SLC35F2: variants seen among roughly 807,000 people sequenced by gnomAD.
SLC35F2 encodes solute carrier family 35 member F2, also known as queuine/queuosine transporter SLC35F2.
In SLC35F2, 25 loss-of-function variants were observed where a neutral mutation model predicts 38.1. The observed-to-expected ratio is 0.66, with a 90% CI of 0.48 to 0.92. The LOEUF is 0.92. Ranked by LOEUF, SLC35F2 falls within the 40% of genes least tolerant of loss-of-function variation. The probability of loss-of-function intolerance (pLI) is 0.00; values close to 1 mark genes in which losing one functional copy is unlikely to be tolerated. For missense variants in SLC35F2, 409 were observed against 452.9 expected, an observed-to-expected ratio of 0.90 and a Z score of 0.88; for synonymous variants, 173 against 181.7, an observed-to-expected ratio of 0.95 and a Z score of 0.38.
At chr11:107,841,380 T>C (rs776908482) in intron 1 of SLC35F2, among the ~76,000 whole-genome samples, 3 of 151,942 alleles carry the variant, frequency 2.0e-5, no homozygotes, top group Non-Finnish European at 4.4e-5. Flanking sequence ...CTGACCAACA[T>C]GGTGAAACCC....
chr11:107,835,083 C>T (rs1463011240), intron 1 of SLC35F2, among the ~76,000 whole-genome samples: 1 of 152,192 alleles, frequency 6.6e-6, no homozygotes, highest in African/African-American at 2.4e-5. Context: ...CAAACGGGTG[C>T]TAGTTAAAGA....
chr11:107,815,628 G>T (rs1859560013), intron 2 of SLC35F2, among the ~76,000 whole-genome samples, 162 bp downstream of exon 2: 1 of 151,064 alleles, frequency 6.6e-6, no homozygotes, highest in South Asian at 2.1e-4. Flanking sequence ...GACAACTTCT[G>T]TGTTACAAAC....
intron 7 of SLC35F2, among the ~76,000 whole-genome samples, chr11:107,800,166 G>A (rs1859285471): frequency 1.3e-5 from 2 of 152,038 alleles, no homozygotes; most frequent in South Asian, 2.1e-4. Flanking sequence ...GGGATTACAG[G>A]TATGAGCCAC....
intron 3 of SLC35F2, chr11:107,809,571 G>C: frequency 2.1e-6 from 1 of 479,530 alleles, no homozygotes; most frequent in Non-Finnish European, 2.7e-6. Flanking sequence ...GGCGGAGGCT[G>C]CAGTGAGCCA....
chr11:107,810,476 A>C, intron 3 of SLC35F2: 7 of 984,680 alleles, frequency 7.1e-6, no homozygotes, highest in Non-Finnish European at 8.4e-6. Flanking sequence ...ATGTGACAAG[A>C]AAATACCATT....
intron 3 of SLC35F2, chr11:107,809,580 C>T (rs12804422): frequency 0.083 from 51,041 of 613,932 alleles, 4,080 homozygotes; most frequent in East Asian, 0.42. Flanking sequence ...TGCAGTGAGC[C>T]AAGATCATGC....
intron 3 of SLC35F2, among the ~76,000 whole-genome samples, chr11:107,809,329 C>CAAAAAA (rs61511493): frequency 3.1e-3 from 297 of 96,082 alleles, no homozygotes; most frequent in Middle Eastern, 6.0e-3. Flanking sequence ...ACTCAAAATA[C>CAAAAAA]AAAAAAAAAA....
At position 107,830,824 on chromosome 11, in the gene SLC35F2, A is replaced by AG. The variant is rs1859828538; in HGVS notation, c.111-14860dup. On this transcript the variant is annotated intron_variant, in intron 1 of 7. Coordinates refer to ENST00000525815, the MANE Select transcript of SLC35F2 (RefSeq NM_017515.5). ...GTGTCTGATTAGTTAAAAGAGAGAG[A>AG]GAAAAAAATAAACTCATTATTACTT... is the stretch of plus-strand genomic sequence containing the variant. 4.6e-5 allele frequency among the ~76,000 whole-genome samples: 7 copies of AG among 152,278 alleles called. No homozygotes were observed. In the South Asian group the frequency reaches 1.5e-3, roughly 32 times the overall value.
At chr11:107,793,140 C>T (rs901034156) in intron 7 of SLC35F2, among the ~76,000 whole-genome samples, 2 of 152,182 alleles carry the variant, frequency 1.3e-5, no homozygotes, top group African/African-American at 4.8e-5. Flanking sequence ...TGGTCTCGAA[C>T]ACCTGAGCTC....
chr11:107,807,011 C>T (rs904659570), intron 3 of SLC35F2, 135 bp from the exon 4 acceptor site: 29 of 726,050 alleles, frequency 4.0e-5, no homozygotes, highest in Non-Finnish European at 5.7e-5. Context: ...CAGCCCTGTA[C>T]TAAGAGCTTT....
chr11:107,839,792 T>C (rs1859987714), intron 1 of SLC35F2, among the ~76,000 whole-genome samples: 1 of 152,110 alleles, frequency 6.6e-6, no homozygotes, highest in South Asian at 2.1e-4. Context: ...TAGCTGGGAT[T>C]ACAGGCATGC....
intron 1 of SLC35F2, among the ~76,000 whole-genome samples, chr11:107,832,293 T>C (rs1305604787): frequency 6.6e-6 from 1 of 152,232 alleles, no homozygotes; most frequent in African/African-American, 2.4e-5. Flanking sequence ...TTCCCGGAAC[T>C]GGTTTATTCT....
At chr11:107,836,200 T>A (rs570582296) in intron 1 of SLC35F2, among the ~76,000 whole-genome samples, 15 of 149,090 alleles carry the variant, frequency 1.0e-4, no homozygotes, top group Non-Finnish European at 1.8e-4. Flanking sequence ...TTCCTTGACA[T>A]TTTATGAATT....
chr11:107,828,269 T>C (rs569666528), intron 1 of SLC35F2, among the ~76,000 whole-genome samples: 2 of 152,158 alleles, frequency 1.3e-5, no homozygotes, highest in South Asian at 4.2e-4. Flanking sequence ...ACCACGTCTC[T>C]ATTAAAAATA....
chr11:107,798,213 G>T (rs114852275), intron 7 of SLC35F2, among the ~76,000 whole-genome samples: 1 of 151,868 alleles, frequency 6.6e-6, no homozygotes, highest in South Asian at 2.1e-4. Context: ...CATGTTGGCC[G>T]GGCTCGTCTC....
intron 4 of SLC35F2, 147 bp from the exon 5 acceptor site, chr11:107,805,662 G>A (rs1044796047): frequency 4.8e-6 from 7 of 1,444,022 alleles, no homozygotes; most frequent in Admixed American, 2.8e-5. Flanking sequence ...GTGAGAGTGT[G>A]TGTGTGTGTA....
intron 1 of SLC35F2, among the ~76,000 whole-genome samples, chr11:107,828,318 C>A (rs1486045081): frequency 1.3e-5 from 2 of 151,796 alleles, no homozygotes; most frequent in African/African-American, 4.8e-5. Context: ...CCTGTAATCC[C>A]AGCTACTCAG....
At position 107,815,834 on chromosome 11, in the gene SLC35F2, C is replaced by G. The variant is rs755018619; in HGVS notation, c.242G>C (p.Cys81Ser). ...CACTGTATAAATTAGGAACAGCAAG[C>G]AATAATTGATAAAGCTCTGAAGCAT... The part of the protein sequence containing the change: ...TPMLQSFINY[C>S]LLFLIYTVML... The change falls in exon 2 of 8, where the codon TGC (cysteine) becomes TCC (serine). Residue 81 changes from cysteine to serine, a missense_variant. Cys to Ser is a moderately radical substitution (Grantham distance 112, BLOSUM62 -1). Transcript: ENST00000525815. The G allele has an allele frequency of 1.2e-5, 19 of 1,613,456 alleles. No homozygotes were observed. The South Asian group carries it at 2.1e-4, about 18-fold the overall frequency.
At chr11:107,850,273 G>A (rs1860157956) in intron 1 of SLC35F2, among the ~76,000 whole-genome samples, 1 of 152,180 alleles carries the variant, frequency 6.6e-6, no homozygotes, top group South Asian at 2.1e-4. Flanking sequence ...GTTTGTGGAG[G>A]CTGGGAGTTG....
Sources: allele counts gnomAD v4.1 joint callset (sites outside exome capture counted in the v4.1 genomes callset), GRCh38; gene constraint gnomAD v4.1.1; transcripts MANE v1.5; gene names NCBI Gene and HGNC (gene_info 2026-07-23, HGNC 2026-07-21).